The following DGKZ variants were observed in gnomAD, a reference collection of about 807,000 sequenced individuals.
DGKZ encodes diacylglycerol kinase zeta, also known as DAG kinase zeta.
In DGKZ, 45 loss-of-function variants were observed where a neutral mutation model predicts 142.5. The observed-to-expected ratio is 0.32, with a 90% CI of 0.25 to 0.40. DGKZ has a LOEUF of 0.40. DGKZ is among the 10% of genes least tolerant of loss of function. DGKZ has a pLI of 1.00. For missense variants in DGKZ, 755 were observed against 1,306.5 expected (o/e 0.58, Z 6.51); for synonymous variants, 442 against 527.0 (o/e 0.84, Z 2.21).
exon 1 of DGKZ, chr11:46,332,983 G>A (rs978027149): frequency 2.9e-4 from 87 of 298,648 alleles, no homozygotes; most frequent in African/African-American, 1.8e-3. Flanking sequence ...CCGGGCTCCG[G>A]CTCCGCTCCA....
intron 1 of DGKZ, among the ~76,000 whole-genome samples, chr11:46,358,988 C>T (rs1217130690): frequency 6.6e-6 from 1 of 150,642 alleles, no homozygotes; most frequent in African/African-American, 2.4e-5. Context: ...ACTAAAAATA[C>T]AAAAATTAGC....
chr11:46,359,883 G>T (rs1942445674), intron 1 of DGKZ, among the ~76,000 whole-genome samples: 1 of 151,260 alleles, frequency 6.6e-6, no homozygotes, highest in African/African-American at 2.4e-5. Context: ...CTCCCAAAAT[G>T]CTGGGATTAC....
exon 1 of DGKZ, chr11:46,333,230 G>A (rs1939856505): frequency 1.6e-6 from 2 of 1,240,040 alleles, no homozygotes; most frequent in Non-Finnish European, 2.0e-6. Context: ...AACTTGAGCG[G>A]GTGCCCGAAA....
intron 1 of DGKZ, among the ~76,000 whole-genome samples, chr11:46,352,826 G>A (rs567267828): frequency 4.7e-4 from 72 of 152,332 alleles, no homozygotes; most frequent in African/African-American, 1.5e-3. Context: ...GTTCCGTGTC[G>A]GGGTCAGCCC....
chr11:46,375,974 G>T, intron 21 of DGKZ, 23 bp downstream of exon 21: 1 of 1,611,488 alleles, frequency 6.2e-7, no homozygotes, highest in Non-Finnish European at 8.5e-7. Context: ...GGGCGGCCTG[G>T]CAGGGTGGCC....
In DGKZ at chr11:46,379,461, TC is replaced by T; in HGVS notation, c.2586del (p.Ser863AlafsTer29). 1 of 1,606,920 alleles carries T rather than the reference TC, an allele frequency of 6.2e-7. No homozygotes were observed. The highest frequency in any genetic ancestry group is 8.5e-7 in the Non-Finnish European group (1 of 1,177,362). ...GATGGGGTACACAGCCAGCCCCTGC[TC>T]CCCCAGCGGGGAGACCTGTTTGCAC... is the stretch of plus-strand genomic sequence containing the variant. On this transcript the variant is annotated frameshift_variant, in exon 30 of 31. Coordinates refer to ENST00000527911, the Ensembl canonical transcript of DGKZ. LOFTEE classifies it high-confidence loss of function.
rs115823062 is a variant in DGKZ at position 46,376,397 on chromosome 11, G to T, written c.2161G>T (p.Ala721Ser). The T allele has an allele frequency of 1.9e-6, 3 of 1,614,070 alleles. No homozygotes were observed. In the South Asian group the frequency reaches 3.3e-5, roughly 18 times the overall value. ...GTCCCCCAAGTGGTGCTTCCTGGAC[G>T]GTGAGTCTACTCCCAGGGTGCCAAG... The change falls in exon 23 of 31, where the codon GCC (alanine) becomes TCC (serine). Residue 721 changes from alanine to serine, a missense_variant and splice_region_variant. By Grantham distance (99) the Ala-to-Ser change is moderately conservative. This residue lies in a region of DGKZ where 114 missense variants were observed against 180.9 expected (regional missense o/e 0.63). Coordinates refer to ENST00000527911, the Ensembl canonical transcript of DGKZ.
In DGKZ at chr11:46,367,491, G is replaced by A; in HGVS notation, c.270+92G>A. 6.9e-7 allele frequency: 1 copy of A among 1,441,626 alleles called. No homozygotes were observed. The allele number at this position is 1,441,626 out of a possible 1,614,324, so 89.3% of individuals were successfully genotyped here. A position where few individuals can be genotyped will look rare whatever the true frequency, so the allele number is the denominator to read the frequency against. On this transcript the variant is annotated intron_variant, in intron 2 of 30. Coordinates refer to ENST00000527911, the Ensembl canonical transcript of DGKZ. This position sits in a 1 kb window ranked among gnomAD's most constrained non-coding sequence, Gnocchi z 4.1. ...GGAGGCACTAAAGGCAGCTGGGAGA[G>A]CCAAGCCTGGAAGGGTTGGGACAGT...
chr11:46,355,692 C>T (rs2136422442), intron 1 of DGKZ, among the ~76,000 whole-genome samples: 1 of 149,470 alleles, frequency 6.7e-6, no homozygotes, highest in East Asian at 2.0e-4. Flanking sequence ...GCCCTGGGGG[C>T]TGATGGGGGA....
At chr11:46,366,532 C>T in intron 1 of DGKZ, 2 of 1,597,208 alleles carry the variant, frequency 1.3e-6, no homozygotes, top group South Asian at 2.3e-5. Flanking sequence ...ATAAGGTGCT[C>T]ACTCCACAGC....
In DGKZ at chr11:46,367,515, G is replaced by A; in HGVS notation, c.270+116G>A. The A allele has an allele frequency of 2.2e-6, 3 of 1,357,278 alleles. No homozygotes were observed. The highest frequency in any genetic ancestry group is 3.0e-6 in the Non-Finnish European group (3 of 988,762). The allele number at this position is 1,357,278 out of a possible 1,614,324, so 84.1% of individuals were successfully genotyped here. ...AGCCAAGCCTGGAAGGGTTGGGACA[G>A]TGGGGCAGACGGAACAGAGCAGGGT... On this transcript the variant is annotated intron_variant, in intron 2 of 30. Transcript: ENST00000527911. The surrounding 1 kb of genome is among the most constrained non-coding windows in gnomAD (Gnocchi z 4.1).
chr11:46,373,228 C>T (rs903644726), intron 14 of DGKZ, 127 bp downstream of exon 14: 9 of 1,072,294 alleles, frequency 8.4e-6, no homozygotes, highest in African/African-American at 8.1e-5. Context: ...CTTCCTTGTA[C>T]GATGGGAATA....
intron 1 of DGKZ, among the ~76,000 whole-genome samples, chr11:46,351,565 A>C (rs1185389193): frequency 6.6e-6 from 1 of 152,172 alleles, no homozygotes; most frequent in African/African-American, 2.4e-5. Flanking sequence ...CCTCTTTTGC[A>C]GAGGTGAGAA....
chr11:46,354,983 C>T (rs897044118), intron 1 of DGKZ, among the ~76,000 whole-genome samples: 4 of 152,230 alleles, frequency 2.6e-5, no homozygotes, highest in African/African-American at 4.8e-5. Context: ...CTATTGCAAG[C>T]GATCCCTCTG....
intron 1 of DGKZ, among the ~76,000 whole-genome samples, chr11:46,352,466 C>T (rs1941518999): frequency 6.6e-6 from 1 of 152,234 alleles, no homozygotes; most frequent in South Asian, 2.1e-4. Context: ...GGGTGGGTGC[C>T]TCTAGCCTCC....
rs894294749 is a variant in DGKZ, at chr11:46,367,262, C to T, written c.162-29C>T. The T allele has an allele frequency of 1.3e-6, 2 of 1,587,492 alleles. No homozygotes were observed. The highest frequency in any genetic ancestry group is 1.3e-5 in the African/African-American group (1 of 74,440). ...GAAGTAGGGTCAGCAAGTGCTCAGC[C>T]CCCTCCTCAGCTGTCTTCTCCTCTC... On this transcript the variant is annotated intron_variant, in intron 1 of 30. Transcript: ENST00000527911. This position sits in a 1 kb window ranked among gnomAD's most constrained non-coding sequence, Gnocchi z 4.1.
At chr11:46,334,234 G>C (rs1297936154) in intron 1 of DGKZ, among the ~76,000 whole-genome samples, 1 of 152,194 alleles carries the variant, frequency 6.6e-6, no homozygotes, top group East Asian at 1.9e-4. Context: ...AGAGGTTGGA[G>C]CTGGGACAGC....
At chr11:46,343,237 GA>G (rs1334736070), upstream of DGKZ, among the ~76,000 whole-genome samples, 1 of 152,196 alleles carries the variant, frequency 6.6e-6, no homozygotes, top group Non-Finnish European at 1.5e-5. Context: ...TTTTGGCACA[GA>G]AATGTTCAGG....
At chr11:46,359,119 G>A (rs984062735) in intron 1 of DGKZ, among the ~76,000 whole-genome samples, 2 of 150,918 alleles carry the variant, frequency 1.3e-5, no homozygotes, top group African/African-American at 4.9e-5. Flanking sequence ...CAGCCTGGGC[G>A]ACAGAGCAAG....
Sources: allele counts gnomAD v4.1 joint callset (sites outside exome capture counted in the v4.1 genomes callset), GRCh38; gene constraint gnomAD v4.1.1; regional missense constraint gnomAD v4.1.1; non-coding constraint Gnocchi (gnomAD v3.1); transcripts MANE v1.5; gene names NCBI Gene and HGNC (gene_info 2026-07-23, HGNC 2026-07-21).